The following NEDD1 variants were observed in gnomAD, a reference collection of about 807,000 sequenced individuals.
NEDD1 encodes the protein NEDD1 gamma-tubulin ring complex targeting factor.
A neutral mutation model predicts 74.0 loss-of-function variants in NEDD1; 33 were observed. That is an observed-to-expected ratio of 0.45 (90% CI 0.34 to 0.60). The LOEUF (loss-of-function observed/expected upper bound fraction) is 0.60. NEDD1 is among the 20% of genes least tolerant of loss of function. The probability of loss-of-function intolerance (pLI) is 0.01; values close to 1 mark genes in which losing one functional copy is unlikely to be tolerated. For synonymous variants in NEDD1, 250 were observed against 264.4 expected (o/e 0.95, Z 0.53); for missense variants, 746 against 776.5 (o/e 0.96, Z 0.47).
chr12:96,944,790 C>T lies in NEDD1; in HGVS notation c.1649C>T (p.Thr550Ile). The change falls in exon 13 of 16, where the codon ACT becomes ATT. Residue 550 changes from threonine (T) to isoleucine (I), a missense_variant. By Grantham distance (89) the Thr-to-Ile change is moderately conservative. Around this residue, in one of 3 missense-constraint regions of NEDD1, gnomAD observed 706 missense variants for 706.7 expected, o/e 1.00. Transcript: ENST00000266742. ...ICEPPINGSS[T>I]PNPKIASSVT... ...GAACCCCCAATCAATGGATCCTCAA[C>T]TCCAAGTAAGTACATGAAACTTCCT... 1 of 1,548,240 alleles carries T rather than the reference C, an allele frequency of 6.5e-7. No individual in the cohort carries two copies. Among genetic ancestry groups the T allele is most frequent in the Non-Finnish European group, 8.7e-7 (1 of 1,153,480 alleles).
At chr12:96,913,186 T>C (rs1874097298) in intron 4 of NEDD1, among the ~76,000 whole-genome samples, 1 of 152,102 alleles carries the variant, frequency 6.6e-6, no homozygotes, top group South Asian at 2.1e-4. Flanking sequence ...TTTACTGATC[T>C]TGGGCTCAGG....
At chr12:96,932,466 ATAT>A (rs1876634680) in intron 6 of NEDD1, among the ~76,000 whole-genome samples, 2 of 62,420 alleles carry the variant, frequency 3.2e-5, no homozygotes, top group Non-Finnish European at 6.8e-5. Context: ...AAAAAAAAAT[ATAT>A]ATATATATAT....
In NEDD1 at chr12:96,940,425, A is replaced by C; in HGVS notation, c.1134A>C (p.Ile378=). Residue 378 remains isoleucine, a synonymous_variant, in exon 10 of 16, where the codon ATA becomes ATC. Transcript: ENST00000266742. ...VQEKAGLPRS[I]NTDTLSKETD... The stretch of plus-strand genomic sequence containing the variant: ...TCCTATAAGGTTTGCCTCGAAGCAT[A>C]AACACAGACACTTTATCTAAGGAAA... 1 of 1,594,376 alleles carries C rather than the reference A, an allele frequency of 6.3e-7. No individual in the cohort carries two copies.
chr12:96,935,038 T>A lies in NEDD1; in HGVS notation c.552T>A (p.Asn184Lys). The A allele has an allele frequency of 6.2e-7, 1 of 1,612,782 alleles. No homozygotes were observed. The highest frequency in any genetic ancestry group is 8.5e-7 in the Non-Finnish European group (1 of 1,178,734). The change falls in exon 7 of 16, where the codon AAT becomes AAA. Residue 184 changes from asparagine (N) to lysine (K), a missense_variant. By Grantham distance (94) the Asn-to-Lys change is moderately conservative. Transcript: ENST00000266742. ...CACTACTGGGCAGTGTTTCGGATAA[T>A]GGAATAGTAACTCTCTGGGATGTAA... ...KKSLLGSVSD[N>K]GIVTLWDVNS...
Position 96,920,112 on chromosome 12 carries a change from AT to A in NEDD1, c.477del (p.His159GlnfsTer10), listed in dbSNP as rs1874907681. On this transcript the variant is annotated frameshift_variant, in exon 6 of 16. Coordinates refer to ENST00000266742, the MANE Select transcript of NEDD1 (RefSeq NM_152905.4). LOFTEE classifies it high-confidence loss of function. ...TTNLSSTPFG[H>X]GSNQSVRHLK... ...AATTTATCTAGTACTCCTTTTGGCC[AT>A]GGTAGTAACCAGGTACAGTATGAGT... 6.3e-7 allele frequency: 1 copy of A among 1,597,304 alleles called. No homozygotes were observed. Among genetic ancestry groups the A allele is most frequent in the South Asian group, 1.1e-5 (1 of 88,752 alleles).
rs544205026 is a variant in NEDD1 at position 96,913,755 on chromosome 12, A to C, written c.231+938A>C. ...TCTAGTCACACACTCTTTGAAAGCT[A>C]TTTCTTTTTTAAATAAGATAAGATT... On this transcript the variant is annotated intron_variant, in intron 4 of 15. Coordinates refer to ENST00000266742, the MANE Select transcript of NEDD1 (RefSeq NM_152905.4). 1.6e-3 allele frequency among the ~76,000 whole-genome samples: 248 copies of C among 152,008 alleles called. 2 individuals are homozygous for C. Among genetic ancestry groups the C allele is most frequent in the Non-Finnish European group, 3.3e-3 (224 of 67,934 alleles).
At chr12:96,929,154 T>C (rs559878405) in intron 6 of NEDD1, among the ~76,000 whole-genome samples, 19 of 152,002 alleles carry the variant, frequency 1.2e-4, no homozygotes, top group African/African-American at 3.6e-4. Context: ...GTTTTTAAAC[T>C]TTTTTGTTAT....
Position 96,936,757 on chromosome 12 carries a change from C to T in NEDD1, c.866C>T (p.Ala289Val). 2 of 1,612,656 alleles carry T rather than the reference C, an allele frequency of 1.2e-6. No individual in the cohort carries two copies. The highest frequency in any genetic ancestry group is 1.3e-5 in the African/African-American group (1 of 75,026). ...MLKSPVKTIS[A>V]HKTSVQCIAF... ...AAATCACCAGTTAAGACCATCAGTGCTCACAAGACATCTGTGCAGTGTATA... is the reference window on the plus strand; with the variant it reads ...AAATCACCAGTTAAGACCATCAGTGTTCACAAGACATCTGTGCAGTGTATA... Residue 289 changes from alanine (A) to valine (V), a missense_variant, in exon 8 of 16, where the codon GCT (alanine) becomes GTT (valine). Physicochemically the swap from Ala to Val is moderately conservative, Grantham distance 64. Around this residue, in one of 3 missense-constraint regions of NEDD1, gnomAD observed 706 missense variants for 706.7 expected, o/e 1.00. Transcript: ENST00000266742.
intron 8 of NEDD1, 100 bp downstream of exon 8, chr12:96,936,912 A>G (rs772213553): frequency 1.1e-4 from 76 of 677,564 alleles, no homozygotes; most frequent in Non-Finnish European, 1.8e-4. Context: ...GTTTTGTTTC[A>G]TAATTACATA....
chr12:96,952,388 CAT>C lies in NEDD1; in HGVS notation c.*340_*341del, dbSNP rs1218787867. ...TTTGTTTTTTAGTCATCTTTTTTAA[CAT>C]ATATTTTTGATTGACAAATTGCCTT... is the stretch of plus-strand genomic sequence containing the variant. On this transcript the variant is annotated 3_prime_UTR_variant, in exon 16 of 16. Coordinates refer to ENST00000266742, the MANE Select transcript of NEDD1 (RefSeq NM_152905.4). 2 of 159,848 alleles carry C rather than the reference CAT, an allele frequency of 1.3e-5. No homozygotes were observed. Among genetic ancestry groups the C allele is most frequent in the East Asian group, 1.8e-4 (1 of 5,700 alleles). The allele number at this position is 159,848 out of a possible 1,614,324, so 9.9% of individuals were successfully genotyped here.
At chr12:96,945,098 G>A (rs1878070215) in intron 13 of NEDD1, among the ~76,000 whole-genome samples, 1 of 151,998 alleles carries the variant, frequency 6.6e-6, no homozygotes, top group African/African-American at 2.4e-5. Context: ...TTAACTACCT[G>A]AAAATGTCTT....
Position 96,912,828 on chromosome 12 carries a change from T to A in NEDD1, c.231+11T>A, listed in dbSNP as rs759752235. On this transcript the variant is annotated intron_variant, in intron 4 of 15. Coordinates refer to ENST00000266742, the MANE Select transcript of NEDD1 (RefSeq NM_152905.4). ...GAGCTTGCTGAAGGGGTAAGTGATT[T>A]TTTTTTTTTTTAAACTTTTAAAAAT... is the stretch of plus-strand genomic sequence containing the variant. 3 of 1,420,138 alleles carry A rather than the reference T, an allele frequency of 2.1e-6. No homozygotes were observed. The highest frequency in any genetic ancestry group is 2.0e-6 in the Non-Finnish European group (2 of 1,023,382). 88.0% of individuals were successfully genotyped at this position (1,420,138 alleles called of 1,614,324 possible). A position where few individuals can be genotyped will look rare whatever the true frequency, so the allele number is the denominator to read the frequency against.
chr12:96,945,575 A>G, intron 13 of NEDD1, 118 bp from the exon 14 acceptor site: 1 of 618,138 alleles, frequency 1.6e-6, no homozygotes. Context: ...TCTAAATGTC[A>G]CAGGAACACT....
At chr12:96,922,367 G>A (rs982574233) in intron 6 of NEDD1, among the ~76,000 whole-genome samples, 4 of 152,086 alleles carry the variant, frequency 2.6e-5, no homozygotes, top group African/African-American at 9.7e-5. Flanking sequence ...AATCATTAAT[G>A]TTCAAATATC....
chr12:96,934,272 A>G (rs1876853959), intron 6 of NEDD1, among the ~76,000 whole-genome samples: 1 of 151,156 alleles, frequency 6.6e-6, no homozygotes, highest in Non-Finnish European at 1.5e-5. Flanking sequence ...CCTTTTATAT[A>G]TGGTGGATGT....
Position 96,946,342 on chromosome 12 carries a change from T to G in NEDD1, c.1811+493T>G, listed in dbSNP as rs373274960. ...GTCTCATCCTTCGAATTGTGAACAT[T>G]CTAAGAATGTGTTCTACAATGCTGC... is the stretch of plus-strand genomic sequence containing the variant. On this transcript the variant is annotated intron_variant, in intron 14 of 15. Transcript: ENST00000266742. 7.2e-5 allele frequency among the ~76,000 whole-genome samples: 11 copies of G among 152,304 alleles called. 1 individual carries two copies. The South Asian group carries it at 2.3e-3, about 32-fold the overall frequency.
rs553031800 is a variant in NEDD1, at chr12:96,949,601, A to G, written c.1812-1831A>G. 5.9e-4 allele frequency among the ~76,000 whole-genome samples: 90 copies of G among 152,254 alleles called. No homozygotes were observed. In the Middle Eastern group the frequency reaches 0.01, roughly 17 times the overall value. On this transcript the variant is annotated intron_variant, in intron 14 of 15. Coordinates refer to ENST00000266742, the MANE Select transcript of NEDD1 (RefSeq NM_152905.4). ...AAAAAAATCTAAGAATAACTAAGAC[A>G]TTTCAGAGAAGAATAAGGTTGAAGG...
chr12:96,943,435 A>G (rs1877864538), intron 11 of NEDD1, 125 bp from the exon 12 acceptor site: 2 of 677,808 alleles, frequency 3.0e-6, no homozygotes. Context: ...CTGAGAAACA[A>G]ACCAGTCTTC....
chr12:96,907,972 C>T, intron 2 of NEDD1, 116 bp downstream of exon 2: 1 of 878,078 alleles, frequency 1.1e-6, no homozygotes, highest in Non-Finnish European at 1.5e-6. Context: ...CCCAGTTTTT[C>T]TGAGCCCAGG....
Sources: gnomAD v4.1 joint callset for allele counts (sites outside exome capture counted in the v4.1 genomes callset) on GRCh38, gnomAD v4.1.1 for gene constraint, gnomAD v4.1.1 regional missense constraint, MANE v1.5 for transcripts, NCBI Gene and HGNC (gene_info 2026-07-23, HGNC 2026-07-21) for gene names.